Variants in VAV3 observed in about 807,000 individuals in gnomAD.
VAV3 encodes the protein guanine nucleotide exchange factor VAV3.
In VAV3, 94 loss-of-function variants were observed where a neutral mutation model predicts 131.2. That is an observed-to-expected ratio of 0.72 (90% CI 0.61 to 0.85). The LOEUF is 0.85. VAV3 is among the 40% of genes least tolerant of loss of function. VAV3 has a pLI of 0.00. For missense variants in VAV3, 939 were observed against 1,002.7 expected, an observed-to-expected ratio of 0.94 and a Z score of 0.86; for synonymous variants, 349 against 342.0, an observed-to-expected ratio of 1.02 and a Z score of -0.22.
At chr1:107,820,565 T>G (rs757367350) in intron 2 of VAV3, among the ~76,000 whole-genome samples, 2 of 152,158 alleles carry the variant, frequency 1.3e-5, no homozygotes, top group Non-Finnish European at 2.9e-5. Flanking sequence ...ACAGAGTGAT[T>G]ACAGTTACTA....
At chr1:107,673,390 T>C (rs1657963748) in intron 19 of VAV3, among the ~76,000 whole-genome samples, 1 of 152,212 alleles carries the variant, frequency 6.6e-6, no homozygotes, top group Non-Finnish European at 1.5e-5. Context: ...CTAACCATCC[T>C]GTGCCTTCTC....
chr1:107,839,005 T>C lies in VAV3; in HGVS notation c.321+35896A>G, dbSNP rs552501141. ...ACTACCTATTGAGTACTATGCTCAC[T>C]ACCTGGGTGACAGATTCCTTTGTAC... On this transcript the variant is annotated intron_variant, in intron 2 of 26. Coordinates refer to ENST00000370056, the MANE Select transcript of VAV3 (RefSeq NM_006113.5). Among the ~76,000 whole-genome samples, 4 of 152,298 alleles carry C rather than the reference T, an allele frequency of 2.6e-5. No individual in the cohort carries two copies. In the East Asian group the frequency reaches 7.7e-4, roughly 29 times the overall value.
chr1:107,769,740 C>T (rs1447629307), intron 6 of VAV3, among the ~76,000 whole-genome samples: 1 of 152,210 alleles, frequency 6.6e-6, no homozygotes, highest in Non-Finnish European at 1.5e-5. Flanking sequence ...TCCTTCCCCA[C>T]CCCTGTAATC....
chr1:107,942,662 C>G (rs1464180330), intron 1 of VAV3, among the ~76,000 whole-genome samples: 2 of 152,062 alleles, frequency 1.3e-5, no homozygotes, highest in Admixed American at 1.3e-4. Context: ...CTGATCATAA[C>G]AAAACTTATT....
At chr1:107,573,471 A>T in intron 26 of VAV3, 99 bp from the exon 27 acceptor site, 1 of 1,415,956 alleles carries the variant, frequency 7.1e-7, no homozygotes, top group Non-Finnish European at 9.8e-7. Context: ...CACCCCAATT[A>T]AACTGGGGTT....
chr1:107,874,620 A>C (rs1178275620), intron 2 of VAV3, among the ~76,000 whole-genome samples: 2 of 152,088 alleles, frequency 1.3e-5, no homozygotes, highest in Admixed American at 6.6e-5. Flanking sequence ...TTATCTCTGG[A>C]GAAAAGATTC....
intron 19 of VAV3, among the ~76,000 whole-genome samples, chr1:107,645,410 CAGGGGT>C (rs1178590990): frequency 6.6e-6 from 1 of 151,020 alleles, no homozygotes. Flanking sequence ...GATCTGTTGT[CAGGGGT>C]ACAGAGATCA....
chr1:107,693,838 A>T lies in VAV3; in HGVS notation c.1706-5432T>A, dbSNP rs574087076. Among the ~76,000 whole-genome samples, 100 of 152,310 alleles carry T rather than the reference A, an allele frequency of 6.6e-4. No individual in the cohort carries two copies. The South Asian group carries it at 8.3e-3, about 13-fold the overall frequency. ...GGTAGAGACAGACACCAAATAGTCC[A>T]TGTGTTTCATTACATTGCCCAGCTT... On this transcript the variant is annotated intron_variant, in intron 17 of 26. Transcript: ENST00000370056.
chr1:107,964,592 T>G, intron 1 of VAV3, 74 bp downstream of exon 1: 1 of 1,515,362 alleles, frequency 6.6e-7, no homozygotes, highest in Admixed American at 2.0e-5. Flanking sequence ...CGTTTGCATT[T>G]ACACAAAGAA....
intron 25 of VAV3, among the ~76,000 whole-genome samples, chr1:107,584,440 C>A (rs1650331857): frequency 6.6e-6 from 1 of 152,080 alleles, no homozygotes; most frequent in Admixed American, 6.5e-5. Context: ...TTCTGCACGG[C>A]AAAAGAAACT....
chr1:107,649,482 A>T (rs993202625), intron 19 of VAV3, among the ~76,000 whole-genome samples: 1 of 152,060 alleles, frequency 6.6e-6, no homozygotes, highest in African/African-American at 2.4e-5. Context: ...GTCCAGAAAG[A>T]TTCCCTTAAA....
intron 19 of VAV3, chr1:107,668,694 T>G: frequency 2.0e-6 from 2 of 985,410 alleles, no homozygotes; most frequent in Non-Finnish European, 2.4e-6. Context: ...GAACTATGTT[T>G]GGACAGTCTA....
intron 1 of VAV3, among the ~76,000 whole-genome samples, chr1:107,951,793 T>C (rs1674545206): frequency 6.7e-6 from 1 of 149,272 alleles, no homozygotes; most frequent in African/African-American, 2.5e-5. Flanking sequence ...TCAGTCAGAA[T>C]GGCTATTATC....
At chr1:107,599,364 ACAAGT>A (rs1651658067) in intron 24 of VAV3, among the ~76,000 whole-genome samples, 1 of 152,170 alleles carries the variant, frequency 6.6e-6, no homozygotes, top group Non-Finnish European at 1.5e-5. Flanking sequence ...TTCAGGTACA[ACAAGT>A]AAATAAGAAG....
chr1:107,926,808 A>G (rs1269743564), intron 1 of VAV3, among the ~76,000 whole-genome samples: 1 of 152,162 alleles, frequency 6.6e-6, no homozygotes, highest in Admixed American at 6.5e-5. Flanking sequence ...AGGTCCCACA[A>G]GCCTCACCAC....
At chr1:107,619,244 A>G (rs1421197015) in intron 20 of VAV3, among the ~76,000 whole-genome samples, 1 of 152,304 alleles carries the variant, frequency 6.6e-6, no homozygotes, top group East Asian at 1.9e-4. Context: ...CATCACTTGG[A>G]AAAAATGTAG....
At chr1:107,670,870 GA>G (rs201875355) in intron 19 of VAV3, among the ~76,000 whole-genome samples, 1 of 151,128 alleles carries the variant, frequency 6.6e-6, no homozygotes, top group Non-Finnish European at 1.5e-5. Flanking sequence ...TGTTTTGCTA[GA>G]AAAAAAAATC....
chr1:107,964,202 C>T (rs1032459492), intron 1 of VAV3, among the ~76,000 whole-genome samples: 5 of 152,200 alleles, frequency 3.3e-5, no homozygotes, highest in African/African-American at 4.8e-5. Flanking sequence ...CCCTTCACTT[C>T]CTCGAGTCCT....
Position 107,794,732 on chromosome 1 carries a change from A to G in VAV3, c.322-15240T>C, listed in dbSNP as rs956489288. ...GGTCTTGGGTATTTTGCAACGAACA[A>G]GGAGCATTTTTCAGTCATTAGCTCC... On this transcript the variant is annotated intron_variant, in intron 2 of 26. Coordinates refer to ENST00000370056, the MANE Select transcript of VAV3 (RefSeq NM_006113.5). Among the ~76,000 whole-genome samples the G allele has an allele frequency of 2.0e-5, 3 of 152,336 alleles. No individual in the cohort carries two copies. In the East Asian group the frequency reaches 5.8e-4, roughly 29 times the overall value.
Sources: gnomAD v4.1 joint callset for allele counts (sites outside exome capture counted in the v4.1 genomes callset) on GRCh38, gnomAD v4.1.1 for gene constraint, MANE v1.5 for transcripts, NCBI Gene and HGNC (gene_info 2026-07-23, HGNC 2026-07-21) for gene names.